The following CPE variants were observed in gnomAD, a reference collection of about 807,000 sequenced individuals.
The protein encoded by CPE is carbocypeptidase E.
Under a neutral mutation model 53.5 loss-of-function variants are expected in CPE, and 17 were observed. That is an observed-to-expected ratio of 0.32 (90% CI 0.22 to 0.48). CPE has a LOEUF of 0.48. Ranked by LOEUF, CPE falls within the 20% of genes least tolerant of loss-of-function variation. The probability of loss-of-function intolerance (pLI) is 0.99; values close to 1 mark genes in which losing one functional copy is unlikely to be tolerated. For missense variants in CPE, 524 were observed against 614.7 expected, an observed-to-expected ratio of 0.85 and a Z score of 1.56; for synonymous variants, 226 against 228.8, an observed-to-expected ratio of 0.99 and a Z score of 0.11.
chr4:165,441,495 C>T (rs4691195), intron 1 of CPE, among the ~76,000 whole-genome samples: 37,560 of 152,064 alleles, frequency 0.25, 5,078 homozygotes, highest in East Asian at 0.37. Context: ...TCTCTCAAGC[C>T]AGCTTCATAG....
intron 1 of CPE, among the ~76,000 whole-genome samples, chr4:165,424,421 A>G (rs990986066): frequency 6.6e-6 from 1 of 151,982 alleles, no homozygotes; most frequent in Non-Finnish European, 1.5e-5. Context: ...ATTGATTACC[A>G]TAATTATCAT....
chr4:165,421,572 T>C (rs1731220811), intron 1 of CPE, among the ~76,000 whole-genome samples: 1 of 152,220 alleles, frequency 6.6e-6, no homozygotes, highest in Non-Finnish European at 1.5e-5. Flanking sequence ...TTCTTGTTCT[T>C]ACAGTAAGGA....
chr4:165,466,625 T>G (rs1284229259), intron 2 of CPE, among the ~76,000 whole-genome samples: 1 of 152,090 alleles, frequency 6.6e-6, no homozygotes, highest in Non-Finnish European at 1.5e-5. Context: ...CAAGCTATTT[T>G]CCTGCCTCAG....
At chr4:165,416,211 C>G (rs575623305) in intron 1 of CPE, among the ~76,000 whole-genome samples, 1 of 151,724 alleles carries the variant, frequency 6.6e-6, no homozygotes, top group Non-Finnish European at 1.5e-5. Flanking sequence ...AAGTTACACA[C>G]GATCTTCTAA....
At chr4:165,394,704 G>A (rs776660888) in intron 1 of CPE, among the ~76,000 whole-genome samples, 7 of 152,018 alleles carry the variant, frequency 4.6e-5, no homozygotes, top group Non-Finnish European at 1.0e-4. Context: ...GCAAGATTCT[G>A]CCCCTATTAA....
At chr4:165,431,684 A>G (rs945818265) in intron 1 of CPE, among the ~76,000 whole-genome samples, 3 of 152,314 alleles carry the variant, frequency 2.0e-5, no homozygotes, top group Non-Finnish European at 4.4e-5. Flanking sequence ...ATGGTAATTG[A>G]AATTAAGTAC....
At chr4:165,380,775 T>C (rs1278719182) in intron 1 of CPE, among the ~76,000 whole-genome samples, 1 of 152,104 alleles carries the variant, frequency 6.6e-6, no homozygotes, top group East Asian at 1.9e-4. Context: ...TACCTTCAAA[T>C]AATATAAGAA....
At chr4:165,408,211 G>A (rs981543253) in intron 1 of CPE, among the ~76,000 whole-genome samples, 3 of 152,124 alleles carry the variant, frequency 2.0e-5, no homozygotes, top group East Asian at 1.9e-4. Flanking sequence ...TCCTCTTTGC[G>A]TCATATCTAA....
chr4:165,404,332 G>GA, intron 1 of CPE: 2 of 772,012 alleles, frequency 2.6e-6, no homozygotes, highest in South Asian at 2.7e-5. Flanking sequence ...TCAGCAGGCG[G>GA]AACTGGATGT....
intron 5 of CPE, among the ~76,000 whole-genome samples, chr4:165,485,688 A>G (rs1178848927): frequency 2.0e-5 from 3 of 152,210 alleles, no homozygotes. Flanking sequence ...TCAACAAAAT[A>G]TAAAGTAATC....
At chr4:165,405,700 TCCA>T (rs1259372069) in intron 1 of CPE, 1 of 812,830 alleles carries the variant, frequency 1.2e-6, no homozygotes, top group Non-Finnish European at 2.2e-6. Flanking sequence ...TCGCAGAGAT[TCCA>T]CCAATTGGTC....
intron 2 of CPE, 65 bp from the exon 3 acceptor site, chr4:165,467,623 T>G: frequency 6.8e-7 from 1 of 1,476,052 alleles, no homozygotes; most frequent in Non-Finnish European, 9.1e-7. Context: ...GATAGGGACC[T>G]TAAATAGAAA....
intron 6 of CPE, among the ~76,000 whole-genome samples, chr4:165,490,407 G>A (rs1732579169): frequency 6.6e-6 from 1 of 151,976 alleles, no homozygotes; most frequent in African/African-American, 2.4e-5. Context: ...GCCGAGGCAG[G>A]CAGATCATGA....
chr4:165,486,910 TCTC>T (rs935053351), intron 5 of CPE, among the ~76,000 whole-genome samples: 3 of 152,136 alleles, frequency 2.0e-5, no homozygotes, highest in Admixed American at 6.5e-5. Context: ...GGCAAAGAAA[TCTC>T]CTAAAACAAT....
At chr4:165,391,356 A>G (rs6825314) in intron 1 of CPE, among the ~76,000 whole-genome samples, 1,860 of 152,210 alleles carry the variant, frequency 0.012, 35 homozygotes, top group African/African-American at 0.043. Flanking sequence ...TACAGGGAAA[A>G]CATTCATACC....
intron 7 of CPE, among the ~76,000 whole-genome samples, chr4:165,494,368 A>G (rs1480256364): frequency 6.6e-6 from 1 of 152,234 alleles, no homozygotes; most frequent in African/African-American, 2.4e-5. Flanking sequence ...ATTAAATCAG[A>G]GGAGGGGCTC....
intron 1 of CPE, among the ~76,000 whole-genome samples, chr4:165,380,994 G>A (rs1164687078): frequency 1.3e-5 from 2 of 152,152 alleles, no homozygotes; most frequent in Non-Finnish European, 2.9e-5. Flanking sequence ...AGATATCCTA[G>A]GCACAGTTAA....
At chr4:165,494,469 G>T (rs551555618) in intron 7 of CPE, among the ~76,000 whole-genome samples, 1 of 152,256 alleles carries the variant, frequency 6.6e-6, no homozygotes, top group Admixed American at 6.5e-5. Context: ...TTGTACTGAA[G>T]GTAGAAAATG....
intron 1 of CPE, among the ~76,000 whole-genome samples, chr4:165,386,989 C>T (rs1280755912): frequency 6.6e-6 from 1 of 152,166 alleles, no homozygotes; most frequent in African/African-American, 2.4e-5. Flanking sequence ...AAATTTGAAA[C>T]ATGTTTAAAT....
Sources: allele counts gnomAD v4.1 joint callset (sites outside exome capture counted in the v4.1 genomes callset), GRCh38; gene constraint gnomAD v4.1.1; transcripts MANE v1.5; gene names NCBI Gene and HGNC (gene_info 2026-07-23, HGNC 2026-07-21).